The following PTPRK variants were observed in gnomAD, a reference collection of about 807,000 sequenced individuals.
PTPRK encodes the protein receptor-type tyrosine-protein phosphatase kappa.
In PTPRK, 75 loss-of-function variants were observed where a neutral mutation model predicts 178.0. That is an observed-to-expected ratio of 0.42 (90% confidence interval 0.35 to 0.51). PTPRK has a LOEUF of 0.51. Ranked by LOEUF, PTPRK falls within the 20% of genes least tolerant of loss-of-function variation. PTPRK has a pLI of 0.02. For missense variants in PTPRK, 1,441 were observed against 1,797.8 expected, an observed-to-expected ratio of 0.80 and a Z score of 3.59; for synonymous variants, 637 against 620.6, an observed-to-expected ratio of 1.03 and a Z score of -0.39.
At chr6:128,351,718 A>T (rs2128337329) in intron 2 of PTPRK, among the ~76,000 whole-genome samples, 1 of 152,308 alleles carries the variant, frequency 6.6e-6, no homozygotes, top group African/African-American at 2.4e-5. Context: ...CTTACATGAA[A>T]CAAATAAAAG....
At position 127,985,629 on chromosome 6, in the gene PTPRK, G is replaced by A. The variant is rs935784679; in HGVS notation, c.3251+92C>T. The A allele has an allele frequency of 9.6e-6, 13 of 1,348,530 alleles. No individual in the cohort carries two copies. In the Middle Eastern group the frequency reaches 8.0e-4, roughly 83 times the overall value. The allele number at this position is 1,348,530 out of a possible 1,614,324, so 83.5% of individuals were successfully genotyped here. A position where few individuals can be genotyped will look rare whatever the true frequency, so the allele number is the denominator to read the frequency against. ...ATACAAGCAAGCTGGAACTTCGTAA[G>A]CACACATTAGTTTTTGTGCTCAAAA... On this transcript the variant is annotated intron_variant, in intron 22 of 29. Transcript: ENST00000368226.
chr6:127,992,546 A>G, intron 19 of PTPRK, 127 bp downstream of exon 19: 1 of 670,036 alleles, frequency 1.5e-6, no homozygotes. Flanking sequence ...ATGAGTAAGG[A>G]GCAGTGTTAA....
At chr6:128,426,028 T>C (rs1275442912) in intron 1 of PTPRK, among the ~76,000 whole-genome samples, 1 of 152,222 alleles carries the variant, frequency 6.6e-6, no homozygotes, top group Non-Finnish European at 1.5e-5. Flanking sequence ...GCAGATATAG[T>C]ACCCAATGTT....
At chr6:128,147,384 A>G (rs1446073331) in intron 7 of PTPRK, among the ~76,000 whole-genome samples, 2 of 152,182 alleles carry the variant, frequency 1.3e-5, no homozygotes, top group East Asian at 3.8e-4. Context: ...CTTTGGTACT[A>G]AATAGCAAAA....
At position 128,217,405 on chromosome 6, in the gene PTPRK, C is replaced by T. The variant is rs183770248; in HGVS notation, c.868+1517G>A. Among the ~76,000 whole-genome samples, 7 of 151,966 alleles carry T rather than the reference C, an allele frequency of 4.6e-5. No homozygotes were observed. In the East Asian group the frequency reaches 7.7e-4, roughly 17 times the overall value. The stretch of plus-strand genomic sequence containing the variant: ...AGACTAAAGTTTACAAGAGGTTGAT[C>T]GCATCATCCAATAATGGTAATGCGA... On this transcript the variant is annotated intron_variant, in intron 6 of 29. Coordinates refer to ENST00000368226, the MANE Select transcript of PTPRK (RefSeq NM_002844.4).
intron 1 of PTPRK, among the ~76,000 whole-genome samples, chr6:128,450,038 G>A (rs1164584258): frequency 6.6e-6 from 1 of 151,768 alleles, no homozygotes; most frequent in African/African-American, 2.4e-5. Flanking sequence ...AACCCAGGTT[G>A]GGGGCGGGGG....
chr6:128,370,253 T>C (rs764011611), intron 2 of PTPRK, among the ~76,000 whole-genome samples: 5 of 152,152 alleles, frequency 3.3e-5, no homozygotes, highest in Admixed American at 6.6e-5. Context: ...AACATCATCA[T>C]CCACCAGGGC....
intron 13 of PTPRK, among the ~76,000 whole-genome samples, 169 bp from the exon 14 acceptor site, chr6:128,009,437 G>GT: frequency 6.6e-6 from 1 of 151,014 alleles, no homozygotes; most frequent in South Asian, 2.1e-4. Context: ...GAGATTTAGG[G>GT]TTGAGGTAAG....
intron 13 of PTPRK, among the ~76,000 whole-genome samples, chr6:128,059,999 C>T (rs539921864): frequency 7.2e-5 from 11 of 152,210 alleles, no homozygotes; most frequent in Non-Finnish European, 1.5e-4. Context: ...TTTTCTGTTT[C>T]GGTGACTTGG....
At chr6:128,187,566 C>A (rs558314590) in intron 6 of PTPRK, among the ~76,000 whole-genome samples, 1 of 152,122 alleles carries the variant, frequency 6.6e-6, no homozygotes, top group Admixed American at 6.6e-5. Context: ...TGCCATATAG[C>A]ATATACATTT....
At chr6:128,039,761 T>C (rs1413835302) in intron 13 of PTPRK, among the ~76,000 whole-genome samples, 1 of 152,192 alleles carries the variant, frequency 6.6e-6, no homozygotes, top group African/African-American at 2.4e-5. Context: ...CCAAGCCTGC[T>C]CTGCATAGTA....
At chr6:128,213,950 A>C (rs1398274216) in intron 6 of PTPRK, among the ~76,000 whole-genome samples, 1 of 152,098 alleles carries the variant, frequency 6.6e-6, no homozygotes, top group Non-Finnish European at 1.5e-5. Context: ...ATGCCAGCAA[A>C]CTTGACTCCA....
intron 1 of PTPRK, among the ~76,000 whole-genome samples, chr6:128,421,454 A>G (rs1293004501): frequency 2.6e-5 from 4 of 152,188 alleles, no homozygotes. Context: ...AGTTTTTTTA[A>G]AAGTGTGTAT....
At chr6:127,992,763 G>T in intron 18 of PTPRK, 54 bp from the exon 19 acceptor site, 1 of 1,383,422 alleles carries the variant, frequency 7.2e-7, no homozygotes. Flanking sequence ...AGAAATAAAT[G>T]AATGAAGGCA....
intron 3 of PTPRK, among the ~76,000 whole-genome samples, chr6:128,302,777 G>T (rs1192341029): frequency 6.6e-6 from 1 of 152,026 alleles, no homozygotes. Context: ...TTCTTCCAGG[G>T]CAATACTAGC....
intron 1 of PTPRK, among the ~76,000 whole-genome samples, chr6:128,498,456 C>T (rs1584979330): frequency 6.6e-6 from 1 of 152,310 alleles, no homozygotes; most frequent in East Asian, 1.9e-4. Context: ...AGCCCTTCCT[C>T]TACTTTATTT....
intron 3 of PTPRK, among the ~76,000 whole-genome samples, chr6:128,290,908 C>CT (rs564572747): frequency 1.1e-4 from 17 of 151,870 alleles, no homozygotes; most frequent in East Asian, 7.8e-4. Context: ...TATACTTTAT[C>CT]TTTTTTTTGC....
At chr6:128,319,163 C>T (rs1250482354) in intron 3 of PTPRK, among the ~76,000 whole-genome samples, 2 of 152,052 alleles carry the variant, frequency 1.3e-5, no homozygotes, top group Admixed American at 1.3e-4. Context: ...ATAGAGGAAT[C>T]GACAAAAGAA....
At chr6:128,129,457 T>C (rs1793881973) in intron 7 of PTPRK, among the ~76,000 whole-genome samples, 1 of 152,198 alleles carries the variant, frequency 6.6e-6, no homozygotes, top group Non-Finnish European at 1.5e-5. Flanking sequence ...AGGAATTAAG[T>C]ATTCACCTAA....
Sources: gnomAD v4.1 joint callset for allele counts (sites outside exome capture counted in the v4.1 genomes callset) on GRCh38, gnomAD v4.1.1 for gene constraint, MANE v1.5 for transcripts, NCBI Gene and HGNC (gene_info 2026-07-23, HGNC 2026-07-21) for gene names.